Variants in EIF4EBP1 observed in about 807,000 individuals in gnomAD.
EIF4EBP1 encodes the protein eukaryotic translation initiation factor 4E binding protein 1, also known as eukaryotic translation initiation factor 4E-binding protein 1.
A neutral mutation model predicts 9.2 loss-of-function variants in EIF4EBP1; 5 were observed. The observed-to-expected ratio is 0.54, with a 90% CI of 0.28 to 1.14. EIF4EBP1 has a LOEUF of 1.14. Among genes scored for constraint, EIF4EBP1 ranks in the 50% most tolerant of loss-of-function variants. EIF4EBP1 has a pLI of 0.09. For missense variants in EIF4EBP1, 139 were observed against 169.6 expected (o/e 0.82, Z 1.00); for synonymous variants, 62 against 67.0 (o/e 0.93, Z 0.36).
chr8:38,052,045 T>C (rs1809531502), intron 1 of EIF4EBP1, among the ~76,000 whole-genome samples: 1 of 152,196 alleles, frequency 6.6e-6, no homozygotes, highest in Non-Finnish European at 1.5e-5. Flanking sequence ...CACCTTTGGC[T>C]AAAGAGTTTT....
intron 1 of EIF4EBP1, among the ~76,000 whole-genome samples, chr8:38,052,133 A>G (rs1487928990): frequency 6.6e-6 from 1 of 152,216 alleles, no homozygotes; most frequent in Non-Finnish European, 1.5e-5. Context: ...ACACCTGACC[A>G]GCAGCCCTGA....
chr8:38,033,066 T>C lies in EIF4EBP1; in HGVS notation c.145+2348T>C, dbSNP rs558972111. Among the ~76,000 whole-genome samples, 57 of 147,116 alleles carry C rather than the reference T, an allele frequency of 3.9e-4. 1 individual carries two copies. Among genetic ancestry groups the C allele is most frequent in the Middle Eastern group, 7.1e-3 (2 of 280 alleles). On this transcript the variant is annotated intron_variant, in intron 1 of 2. Coordinates refer to ENST00000338825, the MANE Select transcript of EIF4EBP1 (RefSeq NM_004095.4). The stretch of plus-strand genomic sequence containing the variant: ...ATTTCTTTCTTTTCTTTCTTTCTTT[T>C]TTTTTTTTTTTTTTTTGAGACAGGG...
intron 1 of EIF4EBP1, among the ~76,000 whole-genome samples, chr8:38,048,601 C>T (rs540349843): frequency 6.6e-6 from 1 of 152,270 alleles, no homozygotes; most frequent in Admixed American, 6.5e-5. Context: ...AGCCCTGCCA[C>T]ACAACTGTCA....
At chr8:38,059,848 C>G in intron 2 of EIF4EBP1, 56 bp from the exon 3 acceptor site, 1 of 1,495,988 alleles carries the variant, frequency 6.7e-7, no homozygotes, top group Admixed American at 1.7e-5. Context: ...AGAATGGCCT[C>G]ATATACCAAG....
At chr8:38,030,812 G>T (rs1181586622) in intron 1 of EIF4EBP1, 94 bp downstream of exon 1, 4 of 1,357,440 alleles carry the variant, frequency 2.9e-6, no homozygotes. Flanking sequence ...GCTCAAGGGC[G>T]CCGTGATTGG....
At chr8:38,042,180 C>G (rs1245274555) in intron 1 of EIF4EBP1, among the ~76,000 whole-genome samples, 1 of 152,160 alleles carries the variant, frequency 6.6e-6, no homozygotes, top group East Asian at 1.9e-4. Flanking sequence ...CTGCCCTACC[C>G]AGCACTACCA....
chr8:38,030,831 G>A, intron 1 of EIF4EBP1, 113 bp downstream of exon 1: 3 of 1,340,938 alleles, frequency 2.2e-6, no homozygotes, highest in Non-Finnish European at 2.9e-6. Flanking sequence ...GGAAAGAACG[G>A]AAAAGGGGCA....
chr8:38,032,739 C>G (rs1324400130), intron 1 of EIF4EBP1, among the ~76,000 whole-genome samples: 3 of 152,178 alleles, frequency 2.0e-5, no homozygotes. Context: ...TTTGGTCGTC[C>G]AGTGGAGCAG....
chr8:38,040,747 G>A (rs1179261945), intron 1 of EIF4EBP1, among the ~76,000 whole-genome samples: 1 of 152,146 alleles, frequency 6.6e-6, no homozygotes, highest in African/African-American at 2.4e-5. Context: ...TTACATGGTA[G>A]TTTCCAAGGC....
chr8:38,055,342 A>G (rs1809581555), intron 1 of EIF4EBP1, among the ~76,000 whole-genome samples: 1 of 152,156 alleles, frequency 6.6e-6, no homozygotes, highest in Non-Finnish European at 1.5e-5. Flanking sequence ...AAAAATCAAA[A>G]AAGTAAAATA....
chr8:38,047,167 TGTC>T (rs1809458428), intron 1 of EIF4EBP1, among the ~76,000 whole-genome samples: 1 of 152,234 alleles, frequency 6.6e-6, no homozygotes, highest in African/African-American at 2.4e-5. Flanking sequence ...CTCTTACGCC[TGTC>T]TGTGGACTTC....
rs118092634 is a variant in EIF4EBP1, at chr8:38,038,735, C to T, written c.145+8017C>T. Among the ~76,000 whole-genome samples the T allele has an allele frequency of 2.8e-4, 43 of 151,826 alleles. No individual in the cohort carries two copies. The East Asian group carries it at 6.7e-3, about 24-fold the overall frequency. On this transcript the variant is annotated intron_variant, in intron 1 of 2. Transcript: ENST00000338825. ...GCCAGCGATACGAGGTACATGCTCT[C>T]GAGATGCTCAGCAGGGACAGTGAGC...
chr8:38,048,821 T>C (rs1172012810), intron 1 of EIF4EBP1, among the ~76,000 whole-genome samples: 9 of 150,322 alleles, frequency 6.0e-5, no homozygotes, highest in Non-Finnish European at 1.2e-4. Context: ...AAAATAAAAT[T>C]TGATTTAATT....
chr8:38,048,850 C>T (rs1036880168), intron 1 of EIF4EBP1, among the ~76,000 whole-genome samples: 1 of 151,766 alleles, frequency 6.6e-6, no homozygotes, highest in African/African-American at 2.4e-5. Context: ...AAAGAGAGGC[C>T]GGGTACGGTG....
At chr8:38,047,620 G>A (rs1476529530) in intron 1 of EIF4EBP1, among the ~76,000 whole-genome samples, 1 of 152,088 alleles carries the variant, frequency 6.6e-6, no homozygotes. Context: ...AAGTAGCTGG[G>A]ATTACAGGCA....
intron 1 of EIF4EBP1, among the ~76,000 whole-genome samples, chr8:38,034,936 C>A (rs1233578606): frequency 1.3e-5 from 2 of 152,152 alleles, no homozygotes; most frequent in Admixed American, 1.3e-4. Context: ...ACCCTCTTCT[C>A]ACATTTACCT....
chr8:38,057,200 C>G lies in EIF4EBP1; in HGVS notation c.265C>G (p.Pro89Ala). 1 of 1,614,102 alleles carries G rather than the reference C, an allele frequency of 6.2e-7. No homozygotes were observed. Among genetic ancestry groups the G allele is most frequent in the Non-Finnish European group, 8.5e-7 (1 of 1,179,976 alleles). Residue 89 changes from proline (P) to alanine (A), a missense_variant, in exon 2 of 3, where the codon CCC becomes GCC. Coordinates refer to ENST00000338825, the MANE Select transcript of EIF4EBP1 (RefSeq NM_004095.4). ...GGTCACCAGCCCTTCCAGTGATGAG[C>G]CCCCCATGGAAGCCAGCCAGAGCCA... The part of the protein sequence containing the change: ...PGVTSPSSDE[P>A]PMEASQSHLR...
In EIF4EBP1 at chr8:38,040,662, G is replaced by A. The variant is rs149134457; in HGVS notation, c.145+9944G>A. 3.4e-3 allele frequency among the ~76,000 whole-genome samples: 514 copies of A among 152,314 alleles called. 2 individuals carry two copies. The highest frequency in any genetic ancestry group is 0.011 in the African/African-American group (454 of 41,574). On this transcript the variant is annotated intron_variant, in intron 1 of 2. Coordinates refer to ENST00000338825, the MANE Select transcript of EIF4EBP1 (RefSeq NM_004095.4). ...ATCTGGGGCATTGCTGGGGACAGCT[G>A]GAAGCCTGGGAGTTCCCTCTATCCT...
At chr8:38,038,004 G>A (rs988429877) in intron 1 of EIF4EBP1, among the ~76,000 whole-genome samples, 1 of 150,688 alleles carries the variant, frequency 6.6e-6, no homozygotes, top group Non-Finnish European at 1.5e-5. Context: ...GAACTCCTGG[G>A]CTCAAGAGAT....
Sources: gnomAD v4.1 joint callset for allele counts (sites outside exome capture counted in the v4.1 genomes callset) on GRCh38, gnomAD v4.1.1 for gene constraint, MANE v1.5 for transcripts, NCBI Gene and HGNC (gene_info 2026-07-23, HGNC 2026-07-21) for gene names.